TALDO1: variants seen among roughly 807,000 people sequenced by gnomAD.
The protein encoded by TALDO1 is transaldolase.
Under a neutral mutation model 38.1 loss-of-function variants are expected in TALDO1, and 29 were observed. That is an observed-to-expected ratio of 0.76 (90% CI 0.57 to 1.04). The LOEUF is 1.04. Ranked by LOEUF, TALDO1 falls within the 50% of genes least tolerant of loss-of-function variation. The pLI, the probability that TALDO1 is intolerant of heterozygous loss-of-function variation, is 0.00. For missense variants in TALDO1, 499 were observed against 438.1 expected, an observed-to-expected ratio of 1.14 and a Z score of -1.24; for synonymous variants, 207 against 176.8, an observed-to-expected ratio of 1.17 and a Z score of -1.36.
chr11:757,253 C>G (rs897317127), intron 2 of TALDO1, among the ~76,000 whole-genome samples: 4 of 151,582 alleles, frequency 2.6e-5, no homozygotes, highest in African/African-American at 9.7e-5. Context: ...GGGTGATCAA[C>G]AGATGAGCCC....
intron 4 of TALDO1, among the ~76,000 whole-genome samples, 171 bp from the exon 5 acceptor site, chr11:763,173 T>TG (rs1300290122): frequency 3.5e-5 from 5 of 142,402 alleles, no homozygotes; most frequent in South Asian, 2.2e-4. Flanking sequence ...GGTGGGCACC[T>TG]GGCCTGCATT....
Position 760,167 on chromosome 11 carries a change from C to T in TALDO1, c.375C>T (p.Leu125=), listed in dbSNP as rs779529089. 4.3e-5 allele frequency: 69 copies of T among 1,614,080 alleles called. No individual in the cohort carries two copies. In the Admixed American group the frequency reaches 5.3e-4, roughly 12 times the overall value. ...CGATGGTGGCCAGAGCCAGGCGGCT[C>T]ATCGAGCTCTACAAGGAAGCTGGGA... ...KDAMVARARR[L]IELYKEAGIS... The change falls in exon 4 of 8, where the codon CTC becomes CTT. Residue 125 remains leucine (L), a synonymous_variant. Coordinates refer to ENST00000319006, the MANE Select transcript of TALDO1 (RefSeq NM_006755.2).
Position 747,584 on chromosome 11 carries a change from G to T in TALDO1, c.97+6G>T. ...CGACACGGGCGACTTCCACGGTGAG[G>T]ACGGCGCGGAGCCCGGGCGCGGCGC... is the stretch of plus-strand genomic sequence containing the variant. On this transcript the variant is annotated splice_donor_region_variant and intron_variant, in intron 1 of 7. Transcript: ENST00000319006. 6.4e-7 allele frequency: 1 copy of T among 1,565,688 alleles called. No individual in the cohort carries two copies. Among genetic ancestry groups the T allele is most frequent in the Non-Finnish European group, 8.6e-7 (1 of 1,158,748 alleles).
At chr11:764,212 T>G in intron 6 of TALDO1, 76 bp from the exon 7 acceptor site, 1 of 1,610,968 alleles carries the variant, frequency 6.2e-7, no homozygotes. Context: ...GGTGCAGCAG[T>G]TCAGGCCCTG....
intron 4 of TALDO1, chr11:760,476 AG>A: frequency 1.6e-6 from 1 of 606,614 alleles, no homozygotes; most frequent in South Asian, 1.9e-5. Flanking sequence ...GGGATTTCCC[AG>A]GAAGTACCAT....
chr11:758,011 TG>T (rs1222959528), intron 2 of TALDO1, among the ~76,000 whole-genome samples: 1 of 152,162 alleles, frequency 6.6e-6, no homozygotes, highest in Non-Finnish European at 1.5e-5. Flanking sequence ...GGGCCAGGCG[TG>T]GTGGCTCACG....
At position 764,826 on chromosome 11, in the gene TALDO1, A is replaced by G. The variant is rs776969036; in HGVS notation, c.995A>G (p.Asn332Ser). 44 of 1,614,092 alleles carry G rather than the reference A, an allele frequency of 2.7e-5. No homozygotes were observed. The South Asian group carries it at 3.6e-4, about 13-fold the overall frequency. ...GTTTGTTTCTAGGAACGAATGTTCA[A>G]TGCAGAGAATGGAAAGTAGCGCATC... is the stretch of plus-strand genomic sequence containing the variant. Reference protein sequence around the residue: ...LERMLTERMFNAENGK With the variant: ...LERMLTERMFSAENGK The change falls in exon 8 of 8, where the codon AAT (asparagine) becomes AGT (serine). Residue 332 changes from asparagine (N) to serine (S), a missense_variant. Physicochemically the swap from Asn to Ser is conservative, Grantham distance 46. Coordinates refer to ENST00000319006, the MANE Select transcript of TALDO1 (RefSeq NM_006755.2).
intron 1 of TALDO1, among the ~76,000 whole-genome samples, chr11:753,042 C>T (rs1017023219): frequency 1.3e-5 from 2 of 152,112 alleles, no homozygotes; most frequent in Admixed American, 6.5e-5. Context: ...ACACATCGGT[C>T]ACAGAAGTCC....
At chr11:755,692 T>C (rs1463668369) in intron 1 of TALDO1, 187 bp from the exon 2 acceptor site, 1 of 760,858 alleles carries the variant, frequency 1.3e-6, no homozygotes, top group African/African-American at 1.7e-5. Context: ...TCCATCATTA[T>C]GCAAACAGCC....
intron 2 of TALDO1, 22 bp downstream of exon 2, chr11:756,024 G>C: frequency 6.2e-7 from 1 of 1,609,432 alleles, no homozygotes. Flanking sequence ...GACTCGGGAG[G>C]GTCCCAGCTA....
Position 763,951 on chromosome 11 carries a change from C to A in TALDO1, c.835+7C>A, listed in dbSNP as rs367601205. Reference sequence around the variant, plus strand: ...GTGCTCTCAGCCAAGGCGGGTGAGGCCCCACTGCCCAGCTGTGGCTCCTGC... The same window carrying A: ...GTGCTCTCAGCCAAGGCGGGTGAGGACCCACTGCCCAGCTGTGGCTCCTGC... On this transcript the variant is annotated splice_region_variant and intron_variant, in intron 6 of 7. Coordinates refer to ENST00000319006, the MANE Select transcript of TALDO1 (RefSeq NM_006755.2). The A allele has an allele frequency of 1.4e-5, 22 of 1,606,010 alleles. No homozygotes were observed. The highest frequency in any genetic ancestry group is 4.5e-5 in the East Asian group (2 of 44,886).
At chr11:757,282 G>GC (rs959904068) in intron 2 of TALDO1, among the ~76,000 whole-genome samples, 5 of 147,552 alleles carry the variant, frequency 3.4e-5, no homozygotes, top group Admixed American at 6.8e-5. Context: ...TGTCCAGATG[G>GC]CCCCAAATTT....
At chr11:763,055 C>T (rs1590071338) in intron 4 of TALDO1, among the ~76,000 whole-genome samples, 1 of 152,170 alleles carries the variant, frequency 6.6e-6, no homozygotes, top group South Asian at 2.1e-4. Context: ...AACCCACTAT[C>T]CACTTAGAGC....
At chr11:762,583 C>T (rs1862957246) in intron 4 of TALDO1, among the ~76,000 whole-genome samples, 1 of 152,232 alleles carries the variant, frequency 6.6e-6, no homozygotes, top group East Asian at 1.9e-4. Flanking sequence ...CTCAGCTGTG[C>T]CATCTGCTGT....
intron 2 of TALDO1, among the ~76,000 whole-genome samples, chr11:758,036 C>G (rs1300980335): frequency 6.6e-6 from 1 of 152,244 alleles, no homozygotes. Context: ...GTAATCCCAG[C>G]ACTTTGAGAG....
At chr11:751,446 G>T (rs1862749450) in intron 1 of TALDO1, among the ~76,000 whole-genome samples, 1 of 152,124 alleles carries the variant, frequency 6.6e-6, no homozygotes, top group South Asian at 2.1e-4. Context: ...GAGGCAGAAG[G>T]ATTGTTTGGG....
At chr11:758,814 C>G (rs1862885080) in intron 2 of TALDO1, 136 bp from the exon 3 acceptor site, 13 of 614,604 alleles carry the variant, frequency 2.1e-5, no homozygotes, top group Middle Eastern at 3.0e-4. Context: ...ACCGTGTTAG[C>G]CAGGATGGTC....
Position 752,585 on chromosome 11 carries a change from AG to A in TALDO1, c.98-3292del, listed in dbSNP as rs1157957987. 3.9e-5 allele frequency: 6 copies of A among 152,182 alleles called. No homozygotes were observed. In the South Asian group the frequency reaches 1.0e-3, roughly 26 times the overall value. 9.4% of individuals were successfully genotyped at this position (152,182 alleles called of 1,614,324 possible). A position where few individuals can be genotyped will look rare whatever the true frequency, so the allele number is the denominator to read the frequency against. Reference sequence around the variant, plus strand: ...GTCTCTCCAGTAGAGTCTCCATAAAAGGCCCAAGAGGACAGGGTTCAGGGAG... The same window carrying A: ...GTCTCTCCAGTAGAGTCTCCATAAAAGCCCAAGAGGACAGGGTTCAGGGAG... On this transcript the variant is annotated intron_variant, in intron 1 of 7. Transcript: ENST00000319006.
Position 748,345 on chromosome 11 carries a change from G to T in TALDO1, c.97+767G>T, listed in dbSNP as rs926192621. ...AAGCCGGTGCCCATGAAAGCACAGG[G>T]TTGGTACACTGTTAAATACTGGATT... On this transcript the variant is annotated intron_variant, in intron 1 of 7. Coordinates refer to ENST00000319006, the MANE Select transcript of TALDO1 (RefSeq NM_006755.2). 5.3e-5 allele frequency among the ~76,000 whole-genome samples: 8 copies of T among 152,212 alleles called. No individual in the cohort carries two copies. In the South Asian group the frequency reaches 1.7e-3, roughly 31 times the overall value.
Sources: allele counts gnomAD v4.1 joint callset (sites outside exome capture counted in the v4.1 genomes callset), GRCh38; gene constraint gnomAD v4.1.1; transcripts MANE v1.5; gene names NCBI Gene and HGNC (gene_info 2026-07-23, HGNC 2026-07-21).